LRRC4C: variants seen among roughly 807,000 people sequenced by gnomAD.
The protein encoded by LRRC4C is leucine-rich repeat-containing protein 4C.
LRRC4C carries 5 observed loss-of-function variants against 33.6 expected under a neutral mutation model. The ratio of observed to expected loss-of-function variants is 0.15; its 90% CI spans 0.08 to 0.31. The LOEUF (loss-of-function observed/expected upper bound fraction) is 0.31. LRRC4C is among the 10% of genes least tolerant of loss of function. The pLI is 1.00. For synonymous variants in LRRC4C, 329 were observed against 302.0 expected (o/e 1.09, Z -0.93); for missense variants, 560 against 796.7 (o/e 0.70, Z 3.58).
chr11:40,148,433 G>C (rs1039922014), intron 5 of LRRC4C, among the ~76,000 whole-genome samples: 2 of 152,142 alleles, frequency 1.3e-5, no homozygotes, highest in African/African-American at 4.8e-5. Context: ...CTAATGATCA[G>C]TGATGTTGAG....
At chr11:40,369,037 T>C (rs1948335468) in intron 3 of LRRC4C, among the ~76,000 whole-genome samples, 1 of 152,196 alleles carries the variant, frequency 6.6e-6, no homozygotes, top group Non-Finnish European at 1.5e-5. Context: ...GGTTGATACA[T>C]AATAAGGTAA....
intron 4 of LRRC4C, among the ~76,000 whole-genome samples, chr11:40,268,650 G>GT (rs1942460673): frequency 6.6e-6 from 1 of 151,518 alleles, no homozygotes; most frequent in East Asian, 1.9e-4. Flanking sequence ...CGTAGCACTG[G>GT]TAAAAAAAAA....
intron 4 of LRRC4C, among the ~76,000 whole-genome samples, chr11:40,269,823 C>A (rs1198706191): frequency 8.2e-6 from 1 of 121,496 alleles, no homozygotes; most frequent in African/African-American, 3.3e-5. Context: ...GGGGCGGGGG[C>A]GGGCATGAAC....
chr11:41,116,974 G>A (rs1043708827), intron 1 of LRRC4C, among the ~76,000 whole-genome samples: 5 of 152,078 alleles, frequency 3.3e-5, no homozygotes, highest in East Asian at 3.9e-4. Flanking sequence ...GAAATGAAAC[G>A]TACTTCCACA....
intron 5 of LRRC4C, among the ~76,000 whole-genome samples, chr11:40,214,037 A>C (rs1863797435): frequency 6.6e-6 from 1 of 152,184 alleles, no homozygotes; most frequent in African/African-American, 2.4e-5. Flanking sequence ...TTAAACTCAG[A>C]TCTGTCTTAC....
At chr11:40,719,884 C>G (rs543844268) in intron 2 of LRRC4C, among the ~76,000 whole-genome samples, 1 of 152,194 alleles carries the variant, frequency 6.6e-6, no homozygotes, top group African/African-American at 2.4e-5. Flanking sequence ...ATTCAGATTA[C>G]AGTCTGAATC....
chr11:41,110,047 G>T (rs892111279), intron 1 of LRRC4C, among the ~76,000 whole-genome samples: 14 of 151,940 alleles, frequency 9.2e-5, no homozygotes, highest in African/African-American at 3.4e-4. Context: ...TCTTCCTGAG[G>T]TTTTTCCTCA....
chr11:40,514,715 T>C (rs866846843), intron 3 of LRRC4C, among the ~76,000 whole-genome samples: 9 of 152,108 alleles, frequency 5.9e-5, no homozygotes, highest in Middle Eastern at 6.8e-3. Context: ...TGTAGTTCTC[T>C]CTCTCCTCCC....
rs12421750 is a variant in LRRC4C, at chr11:40,985,989, C to T, written c.-495-52266G>A. 0.013 allele frequency among the ~76,000 whole-genome samples: 1,924 copies of T among 151,894 alleles called. 99 individuals are homozygous for T. In the East Asian group the frequency reaches 0.13, roughly 10 times the overall value. ...AATTTTTATTATAATAATTAATATACGTGTAAGCATTTATATACATTTTAC... is the reference window on the plus strand; with the variant it reads ...AATTTTTATTATAATAATTAATATATGTGTAAGCATTTATATACATTTTAC... On this transcript the variant is annotated intron_variant, in intron 1 of 6. Coordinates refer to ENST00000528697, the MANE Select transcript of LRRC4C (RefSeq NM_001258419.2).
At chr11:40,465,603 GA>G (rs112671030) in intron 3 of LRRC4C, among the ~76,000 whole-genome samples, 11 of 149,980 alleles carry the variant, frequency 7.3e-5, no homozygotes, top group African/African-American at 1.5e-4. Flanking sequence ...AACTAAACAA[GA>G]AAAAAAAATA....
At chr11:41,237,666 A>G (rs1948080457) in intron 1 of LRRC4C, among the ~76,000 whole-genome samples, 1 of 152,168 alleles carries the variant, frequency 6.6e-6, no homozygotes, top group African/African-American at 2.4e-5. Context: ...TCAATGTTTC[A>G]GAGGAACATT....
intron 1 of LRRC4C, among the ~76,000 whole-genome samples, chr11:41,353,138 A>T (rs1371155263): frequency 6.6e-6 from 1 of 152,060 alleles, no homozygotes; most frequent in African/African-American, 2.4e-5. Context: ...TAAATAGACT[A>T]ATAAGAAAAG....
intron 1 of LRRC4C, among the ~76,000 whole-genome samples, chr11:40,969,591 C>T (rs1851586600): frequency 6.6e-6 from 1 of 152,068 alleles, no homozygotes; most frequent in Non-Finnish European, 1.5e-5. Flanking sequence ...CAGTCAGCAA[C>T]TATCAATATC....
intron 2 of LRRC4C, among the ~76,000 whole-genome samples, chr11:40,921,780 A>C (rs1957191497): frequency 6.6e-6 from 1 of 152,182 alleles, no homozygotes; most frequent in Admixed American, 6.5e-5. Flanking sequence ...TGGTTGTTTT[A>C]AGCCACTAAA....
chr11:41,030,811 C>T (rs1389135040), intron 1 of LRRC4C, among the ~76,000 whole-genome samples: 3 of 151,842 alleles, frequency 2.0e-5, no homozygotes, highest in African/African-American at 7.2e-5. Flanking sequence ...CACACATACA[C>T]ACACATATAT....
chr11:41,334,055 G>A (rs1264253906), intron 1 of LRRC4C, among the ~76,000 whole-genome samples: 1 of 152,140 alleles, frequency 6.6e-6, no homozygotes, highest in East Asian at 1.9e-4. Context: ...AGCCAATCAT[G>A]AGGTGTAAGG....
intron 1 of LRRC4C, among the ~76,000 whole-genome samples, chr11:41,071,135 G>A (rs1296279108): frequency 6.6e-6 from 1 of 152,118 alleles, no homozygotes; most frequent in Non-Finnish European, 1.5e-5. Flanking sequence ...ATCATCCTCA[G>A]CAAACTAACA....
intron 2 of LRRC4C, among the ~76,000 whole-genome samples, chr11:40,708,667 T>A (rs1180117378): frequency 6.6e-6 from 1 of 152,192 alleles, no homozygotes; most frequent in Non-Finnish European, 1.5e-5. Flanking sequence ...TGCAATGTGG[T>A]GCTGAGAAGA....
chr11:41,069,663 C>T (rs1938534640), intron 1 of LRRC4C, among the ~76,000 whole-genome samples: 3 of 152,112 alleles, frequency 2.0e-5, no homozygotes, highest in African/African-American at 7.2e-5. Flanking sequence ...AACCCCCATT[C>T]ACAATTGCTA....
Sources: allele counts gnomAD v4.1 joint callset (sites outside exome capture counted in the v4.1 genomes callset), GRCh38; gene constraint gnomAD v4.1.1; transcripts MANE v1.5; gene names NCBI Gene and HGNC (gene_info 2026-07-23, HGNC 2026-07-21).